The following DGKB variants were observed in gnomAD, a reference collection of about 807,000 sequenced individuals.
The protein encoded by DGKB is 90 kDa diacylglycerol kinase.
In DGKB, 67 loss-of-function variants were observed where a neutral mutation model predicts 114.3. The observed-to-expected ratio is 0.59, with a 90% CI of 0.48 to 0.72. The LOEUF is 0.72. DGKB is among the 30% of genes least tolerant of loss of function. DGKB has a pLI of 0.00. For missense variants in DGKB, 907 were observed against 975.2 expected, an observed-to-expected ratio of 0.93 and a Z score of 0.93; for synonymous variants, 398 against 323.1, an observed-to-expected ratio of 1.23 and a Z score of -2.49.
chr7:14,452,976 G>A (rs1478271095), intron 21 of DGKB, among the ~76,000 whole-genome samples: 3 of 152,114 alleles, frequency 2.0e-5, no homozygotes, highest in Admixed American at 6.6e-5. Flanking sequence ...CAGAACGTAT[G>A]TGTTCCATCA....
intron 6 of DGKB, among the ~76,000 whole-genome samples, chr7:14,711,987 T>C (rs546572064): frequency 6.6e-6 from 1 of 152,296 alleles, no homozygotes; most frequent in African/African-American, 2.4e-5. Context: ...AGAAAAGTTC[T>C]TTCAACACAA....
chr7:14,732,131 A>G (rs1008363925), intron 5 of DGKB, among the ~76,000 whole-genome samples: 6 of 152,090 alleles, frequency 3.9e-5, no homozygotes, highest in Admixed American at 3.9e-4. Flanking sequence ...TTTTTATTCT[A>G]TAAAAACTAA....
At chr7:14,640,622 T>G (rs1811592477) in intron 13 of DGKB, among the ~76,000 whole-genome samples, 1 of 152,218 alleles carries the variant, frequency 6.6e-6, no homozygotes, top group African/African-American at 2.4e-5. Flanking sequence ...AAGGGGAACA[T>G]GGGTTGAACT....
Position 14,374,753 on chromosome 7 carries a change from A to T in DGKB, c.1836-29362T>A, listed in dbSNP as rs150728310. On this transcript the variant is annotated intron_variant, in intron 21 of 25. Transcript: ENST00000402815. ...AATACTATTTACATTGATTGGGCAGATACCTCTTTGTTATAAGGCACTGTC... is the reference window on the plus strand; with the variant it reads ...AATACTATTTACATTGATTGGGCAGTTACCTCTTTGTTATAAGGCACTGTC... Among the ~76,000 whole-genome samples the T allele has an allele frequency of 3.3e-4, 51 of 152,288 alleles. No homozygotes were observed. The East Asian group carries it at 8.5e-3, about 25-fold the overall frequency.
chr7:14,905,228 A>C (rs548508488), upstream of DGKB, among the ~76,000 whole-genome samples: 1 of 142,232 alleles, frequency 7.0e-6, no homozygotes, highest in African/African-American at 2.6e-5. Flanking sequence ...ATGAGTATTT[A>C]ACATCCATCT....
chr7:14,301,523 T>C (rs945975781), intron 23 of DGKB, among the ~76,000 whole-genome samples: 1 of 152,138 alleles, frequency 6.6e-6, no homozygotes, highest in Admixed American at 6.6e-5. Context: ...AAATTAATCC[T>C]CATAAGAGCA....
chr7:14,306,344 G>GT (rs1257486543), intron 23 of DGKB, among the ~76,000 whole-genome samples: 2 of 152,094 alleles, frequency 1.3e-5, no homozygotes, highest in Non-Finnish European at 2.9e-5. Flanking sequence ...GGAAAAGCAG[G>GT]TAAGTTAGGA....
chr7:14,882,811 A>G (rs987653209), intron 1 of DGKB, among the ~76,000 whole-genome samples: 2 of 151,964 alleles, frequency 1.3e-5, no homozygotes, highest in African/African-American at 4.8e-5. Flanking sequence ...TTGTGTATAT[A>G]TGCCACATTT....
intron 23 of DGKB, among the ~76,000 whole-genome samples, chr7:14,327,959 G>T (rs1312620822): frequency 2.0e-5 from 3 of 152,058 alleles, no homozygotes; most frequent in African/African-American, 4.8e-5. Flanking sequence ...GTTAAAATAT[G>T]AAATGACTTC....
intron 1 of DGKB, among the ~76,000 whole-genome samples, chr7:14,864,527 A>T (rs538415673): frequency 2.3e-4 from 35 of 152,318 alleles, no homozygotes; most frequent in Admixed American, 2.6e-4. Context: ...AATAAATGTT[A>T]TGTATGTATT....
At chr7:14,222,703 C>G (rs1001498240) in intron 23 of DGKB, among the ~76,000 whole-genome samples, 4 of 151,414 alleles carry the variant, frequency 2.6e-5, no homozygotes, top group Admixed American at 2.0e-4. Flanking sequence ...TTCCAATGTT[C>G]TATTTCCTTG....
At chr7:14,659,264 C>T (rs1439083956) in intron 13 of DGKB, among the ~76,000 whole-genome samples, 2 of 152,054 alleles carry the variant, frequency 1.3e-5, no homozygotes, top group East Asian at 3.9e-4. Context: ...CCTATCATTT[C>T]CTGCTAATGG....
chr7:14,407,094 G>A lies in DGKB; in HGVS notation c.1836-61703C>T, dbSNP rs554085677. On this transcript the variant is annotated intron_variant, in intron 21 of 25. Coordinates refer to ENST00000402815, the MANE Select transcript of DGKB (RefSeq NM_001350709.2). The stretch of plus-strand genomic sequence containing the variant: ...TGAAGAAGTGTGAGAGCTAAAGGAT[G>A]TAAAGTAGAAGTCAGAAAGTGAGGG... Among the ~76,000 whole-genome samples, 3 of 152,134 alleles carry A rather than the reference G, an allele frequency of 2.0e-5. No individual in the cohort carries two copies. In the East Asian group the frequency reaches 5.8e-4, roughly 29 times the overall value.
chr7:14,495,996 G>A (rs1038961614), intron 20 of DGKB, among the ~76,000 whole-genome samples: 1 of 151,800 alleles, frequency 6.6e-6, no homozygotes, highest in Non-Finnish European at 1.5e-5. Flanking sequence ...GAGGCTTCTT[G>A]TAGTGAATTA....
intron 2 of DGKB, among the ~76,000 whole-genome samples, chr7:14,758,863 G>C (rs555212432): frequency 2.0e-5 from 3 of 151,466 alleles, no homozygotes; most frequent in Admixed American, 6.6e-5. Flanking sequence ...AATTCTGTGG[G>C]TTTGTGTATG....
chr7:14,345,341 G>A lies in DGKB; in HGVS notation c.1886C>T (p.Ser629Leu), dbSNP rs1453528058. 1 of 1,545,744 alleles carries A rather than the reference G, an allele frequency of 6.5e-7. No individual in the cohort carries two copies. Among genetic ancestry groups the A allele is most frequent in the South Asian group, 1.2e-5 (1 of 83,812 alleles). Residue 629 changes from serine (S) to leucine (L), a missense_variant, in exon 22 of 26, where the codon TCA becomes TTA. By Grantham distance (145) the Ser-to-Leu change is moderately radical (BLOSUM62 -2). Around this residue, in one of 3 missense-constraint regions of DGKB, gnomAD observed 814 missense variants for 856.6 expected, o/e 0.95. Coordinates refer to ENST00000402815, the MANE Select transcript of DGKB (RefSeq NM_001350709.2). Reference protein sequence around the residue: ...YFEFGTSETFSATCKKLHESV... With the variant: ...YFEFGTSETFLATCKKLHESV... The stretch of plus-strand genomic sequence containing the variant: ...TTCATGTAGCTTCTTGCAGGTGGCT[G>A]AGAAAGTTTCAGATGTGCCAAACTC...
chr7:14,509,270 T>G (rs963653939), intron 20 of DGKB, among the ~76,000 whole-genome samples: 3 of 151,958 alleles, frequency 2.0e-5, no homozygotes, highest in African/African-American at 7.2e-5. Context: ...GGGGTGCCAG[T>G]TGAGTTGGTC....
In DGKB at chr7:14,693,934, C is replaced by T. The variant is rs150513768; in HGVS notation, c.711+141G>A. ...ACAAGGAGTTACTGTCAAATTGCAC[C>T]GTGGCATACTTATTAAAAGTTCCAG... On this transcript the variant is annotated intron_variant, in intron 9 of 25. Coordinates refer to ENST00000402815, the MANE Select transcript of DGKB (RefSeq NM_001350709.2). 994 of 840,764 alleles carry T rather than the reference C, an allele frequency of 1.2e-3. 4 individuals are homozygous for T. The African/African-American group carries it at 0.013, about 11-fold the overall frequency. The allele number at this position is 840,764 out of a possible 1,614,324, so 52.1% of individuals were successfully genotyped here. A position where few individuals can be genotyped will look rare whatever the true frequency, so the allele number is the denominator to read the frequency against.
chr7:14,954,742 T>C (rs1405258611), intron 1 of DGKB, among the ~76,000 whole-genome samples: 1 of 152,012 alleles, frequency 6.6e-6, no homozygotes, highest in African/African-American at 2.4e-5. Flanking sequence ...AAATAAGACA[T>C]ATGTGTGATA....
Sources: allele counts gnomAD v4.1 joint callset (sites outside exome capture counted in the v4.1 genomes callset), GRCh38; gene constraint gnomAD v4.1.1; regional missense constraint gnomAD v4.1.1; transcripts MANE v1.5; gene names NCBI Gene and HGNC (gene_info 2026-07-23, HGNC 2026-07-21).